The following NKAIN3 variants were observed in gnomAD, a reference collection of about 807,000 sequenced individuals.
The protein encoded by NKAIN3 is sodium/potassium-transporting ATPase subunit beta-1-interacting protein 3.
NKAIN3 carries 25 observed loss-of-function variants against 30.2 expected under a neutral mutation model. The observed-to-expected ratio is 0.83, with a 90% CI of 0.60 to 1.16. NKAIN3 has a LOEUF of 1.16. NKAIN3 is among the 50% of genes most tolerant of loss of function. The pLI, the probability that NKAIN3 is intolerant of heterozygous loss-of-function variation, is 0.00. For missense variants in NKAIN3, 225 were observed against 254.1 expected (o/e 0.89, Z 0.78); for synonymous variants, 91 against 89.6 (o/e 1.02, Z -0.09).
chr8:62,357,128 A>G (rs1199341241), intron 1 of NKAIN3, among the ~76,000 whole-genome samples: 1 of 150,338 alleles, frequency 6.7e-6, no homozygotes, highest in African/African-American at 2.5e-5. Flanking sequence ...CAAACAAACA[A>G]AAAAGGCATT....
intron 1 of NKAIN3, among the ~76,000 whole-genome samples, chr8:62,518,046 A>G (rs1427882185): frequency 6.6e-6 from 1 of 152,126 alleles, no homozygotes; most frequent in Non-Finnish European, 1.5e-5. Flanking sequence ...TTGGAGACTC[A>G]TATGTAACTC....
chr8:62,578,352 A>C (rs1810182801), intron 1 of NKAIN3, among the ~76,000 whole-genome samples: 1 of 152,072 alleles, frequency 6.6e-6, no homozygotes, highest in South Asian at 2.1e-4. Flanking sequence ...AATATAATAA[A>C]CTCTGGCATG....
chr8:62,978,481 C>T lies in NKAIN3; in HGVS notation c.*13074C>T, dbSNP rs541670677. 2.6e-5 allele frequency: 4 copies of T among 152,394 alleles called. No homozygotes were observed. The South Asian group carries it at 8.3e-4, about 32-fold the overall frequency. The allele number at this position is 152,394 out of a possible 1,614,324, so 9.4% of individuals were successfully genotyped here. A position where few individuals can be genotyped will look rare whatever the true frequency, so the allele number is the denominator to read the frequency against. The stretch of plus-strand genomic sequence containing the variant: ...TTGCAGCGCTGCAGTGGGCTCCACT[C>T]AGACTGAACTTCCTGGCAGCTTTGT... On this transcript the variant is annotated 3_prime_UTR_variant, in exon 7 of 7. Transcript: ENST00000623646.
At chr8:62,598,591 AG>A (rs1289500202) in intron 3 of NKAIN3, among the ~76,000 whole-genome samples, 1 of 151,994 alleles carries the variant, frequency 6.6e-6, no homozygotes, top group Non-Finnish European at 1.5e-5. Context: ...CCTGCTACAT[AG>A]GGGCAGTGCA....
At chr8:62,729,023 CCAAAAAAAAAAAA>C (rs1354985647) in intron 3 of NKAIN3, among the ~76,000 whole-genome samples, 2,997 of 23,696 alleles carry the variant, frequency 0.13, 229 homozygotes, top group Non-Finnish European at 0.18. Flanking sequence ...AACAAACAAA[CCAAAAAAAAAAAA>C]AAACAAAAAA....
At chr8:62,664,829 C>G (rs1327970272) in intron 3 of NKAIN3, among the ~76,000 whole-genome samples, 1 of 152,164 alleles carries the variant, frequency 6.6e-6, no homozygotes, top group African/African-American at 2.4e-5. Context: ...ATCAAGAACT[C>G]CAGCTGAGAA....
intron 3 of NKAIN3, among the ~76,000 whole-genome samples, chr8:62,624,007 C>T (rs1297336794): frequency 3.3e-5 from 5 of 152,070 alleles, no homozygotes; most frequent in Non-Finnish European, 7.4e-5. Context: ...GGTTCCTCCC[C>T]TTTTAGACCA....
chr8:62,425,663 A>G (rs963691627), intron 1 of NKAIN3, among the ~76,000 whole-genome samples: 2 of 151,956 alleles, frequency 1.3e-5, no homozygotes, highest in Non-Finnish European at 2.9e-5. Flanking sequence ...AATAATGAAA[A>G]CAAACTTGTA....
Position 62,540,297 on chromosome 8 carries a change from A to G in NKAIN3, c.55-39242A>G, listed in dbSNP as rs72651548. Among the ~76,000 whole-genome samples, 591 of 152,260 alleles carry G rather than the reference A, an allele frequency of 3.9e-3. 3 individuals carry two copies. The highest frequency in any genetic ancestry group is 6.8e-3 in the Middle Eastern group (2 of 294). ...AAATTTTCACCTTGAAAGAGATTTA[A>G]CATTTTTCGCTATCCCCTACCAGTT... On this transcript the variant is annotated intron_variant, in intron 1 of 6. Transcript: ENST00000623646.
chr8:62,938,611 C>A (rs1822857628), intron 5 of NKAIN3, among the ~76,000 whole-genome samples: 1 of 152,152 alleles, frequency 6.6e-6, no homozygotes, highest in Admixed American at 6.5e-5. Context: ...AGCCCAGAGC[C>A]CGGTAGCTCT....
chr8:62,768,139 G>A (rs1816901630), intron 4 of NKAIN3, among the ~76,000 whole-genome samples: 1 of 152,078 alleles, frequency 6.6e-6, no homozygotes, highest in Non-Finnish European at 1.5e-5. Flanking sequence ...ACTGTTCTAA[G>A]TGTAAAAACG....
chr8:62,675,059 A>T (rs1453084101), intron 3 of NKAIN3, among the ~76,000 whole-genome samples: 2 of 152,178 alleles, frequency 1.3e-5, no homozygotes, highest in African/African-American at 4.8e-5. Context: ...GTCTGGGAGC[A>T]TGGAAGTTAA....
intron 1 of NKAIN3, among the ~76,000 whole-genome samples, chr8:62,519,061 G>A (rs945910876): frequency 3.9e-5 from 6 of 152,074 alleles, no homozygotes; most frequent in Non-Finnish European, 2.9e-5. Flanking sequence ...GTAGATCTTT[G>A]TACCAAATTT....
At chr8:62,323,696 C>G (rs1815017830) in intron 1 of NKAIN3, among the ~76,000 whole-genome samples, 1 of 152,136 alleles carries the variant, frequency 6.6e-6, no homozygotes, top group African/African-American at 2.4e-5. Flanking sequence ...TCCATTTAGA[C>G]TCTGAAAACT....
Position 62,619,148 on chromosome 8 carries a change from A to G in NKAIN3, c.273+29354A>G, listed in dbSNP as rs181032558. 2.6e-3 allele frequency among the ~76,000 whole-genome samples: 395 copies of G among 152,240 alleles called. 3 individuals carry two copies. The highest frequency in any genetic ancestry group is 8.6e-3 in the African/African-American group (359 of 41,556). On this transcript the variant is annotated intron_variant, in intron 3 of 6. Coordinates refer to ENST00000623646, the MANE Select transcript of NKAIN3 (RefSeq NM_001304533.3). ...GCAATCACCTGCTTTCATCTGTGAA[A>G]ACACTGTGGTGGCTAGGACTACAAG...
intron 1 of NKAIN3, among the ~76,000 whole-genome samples, chr8:62,303,967 G>A (rs1217714644): frequency 6.6e-6 from 1 of 150,620 alleles, no homozygotes; most frequent in African/African-American, 2.5e-5. Context: ...GATTAGTACT[G>A]TCTTTTAAAG....
In NKAIN3 at chr8:62,844,664, T is replaced by A. The variant is rs1459717228; in HGVS notation, c.472-73789T>A. 2.0e-5 allele frequency among the ~76,000 whole-genome samples: 3 copies of A among 152,288 alleles called. No homozygotes were observed. In the East Asian group the frequency reaches 5.8e-4, roughly 29 times the overall value. On this transcript the variant is annotated intron_variant, in intron 4 of 6. Coordinates refer to ENST00000623646, the MANE Select transcript of NKAIN3 (RefSeq NM_001304533.3). ...CTTTGTTTTGTTGTTCTATATTAGT[T>A]GCTTTGATACAAAATGCTGTACATT...
At chr8:62,877,731 C>A (rs1820842904) in intron 4 of NKAIN3, among the ~76,000 whole-genome samples, 1 of 152,018 alleles carries the variant, frequency 6.6e-6, no homozygotes, top group Non-Finnish European at 1.5e-5. Flanking sequence ...TTGATAGTAT[C>A]AACAAAGAGA....
chr8:62,963,836 G>A (rs978642056), intron 6 of NKAIN3, among the ~76,000 whole-genome samples: 10 of 152,210 alleles, frequency 6.6e-5, no homozygotes, highest in South Asian at 2.1e-4. Context: ...AGTTCTAGGC[G>A]CTTGGGTGGG....
Sources: gnomAD v4.1 joint callset for allele counts (sites outside exome capture counted in the v4.1 genomes callset) on GRCh38, gnomAD v4.1.1 for gene constraint, MANE v1.5 for transcripts, NCBI Gene and HGNC (gene_info 2026-07-23, HGNC 2026-07-21) for gene names.